FRMD4A: variants seen among roughly 807,000 people sequenced by gnomAD.
FRMD4A encodes FERM domain-containing protein 4A.
In FRMD4A, 29 loss-of-function variants were observed where a neutral mutation model predicts 129.1. That is an observed-to-expected ratio of 0.22 (90% CI 0.17 to 0.31). The LOEUF is 0.31. Ranked by LOEUF, FRMD4A falls within the 10% of genes least tolerant of loss-of-function variation. The pLI, the probability that FRMD4A is intolerant of heterozygous loss-of-function variation, is 1.00. For synonymous variants in FRMD4A, 634 were observed against 571.6 expected (o/e 1.11, Z -1.56); for missense variants, 1,272 against 1,375.8 (o/e 0.92, Z 1.19).
chr10:13,951,150 A>G (rs189346758), intron 2 of FRMD4A, among the ~76,000 whole-genome samples: 64 of 152,278 alleles, frequency 4.2e-4, no homozygotes, highest in Middle Eastern at 3.4e-3. Flanking sequence ...AGAAACATTG[A>G]GGCAGATGGG....
intron 2 of FRMD4A, among the ~76,000 whole-genome samples, chr10:14,059,171 G>A (rs990279420): frequency 6.6e-6 from 1 of 152,176 alleles, no homozygotes; most frequent in African/African-American, 2.4e-5. Flanking sequence ...TCATTGTGAA[G>A]TCTAATATTT....
At chr10:14,032,202 TTC>T (rs1230896619) in intron 2 of FRMD4A, among the ~76,000 whole-genome samples, 1 of 152,198 alleles carries the variant, frequency 6.6e-6, no homozygotes, top group Non-Finnish European at 1.5e-5. Context: ...ATTAGCACAA[TTC>T]TCTGTTATGT....
intron 2 of FRMD4A, among the ~76,000 whole-genome samples, chr10:14,233,417 CA>C (rs11305310): frequency 0.95 from 144,745 of 152,114 alleles, 69,024 homozygotes; most frequent in East Asian, 1. Flanking sequence ...TAAAAATATA[CA>C]AAAAAATTAG....
At chr10:13,944,592 A>C (rs1465238885) in intron 2 of FRMD4A, among the ~76,000 whole-genome samples, 1 of 152,168 alleles carries the variant, frequency 6.6e-6, no homozygotes, top group Non-Finnish European at 1.5e-5. Context: ...GTGCCAAAAA[A>C]GTTGGGGACC....
intron 2 of FRMD4A, among the ~76,000 whole-genome samples, chr10:14,234,468 G>A (rs1350237445): frequency 6.6e-6 from 1 of 152,194 alleles, no homozygotes; most frequent in Non-Finnish European, 1.5e-5. Flanking sequence ...AATTAGGCAC[G>A]AGGGAATTCT....
chr10:13,654,080 T>A (rs948956870), intron 23 of FRMD4A: 6 of 457,420 alleles, frequency 1.3e-5, no homozygotes, highest in Non-Finnish European at 2.3e-5. Flanking sequence ...GCCTGGCATT[T>A]TGAGTCAGCC....
In FRMD4A at chr10:14,330,572, AAACATGCTGAATGTCAC is replaced by A. The variant is rs1047882720; in HGVS notation, c.-82+8_-82+24del. On this transcript the variant is annotated splice_region_variant and intron_variant, in intron 1 of 24. Coordinates refer to ENST00000357447, the MANE Select transcript of FRMD4A (RefSeq NM_018027.5). ...GCATCTCTCAGCAATTCTGCTGCAT[AAACATGCTGAATGTCAC>A]AACATACCGCTCGCAATCTGGTCAG... The A allele has an allele frequency of 4.9e-6, 2 of 405,550 alleles. No homozygotes were observed. The highest frequency in any genetic ancestry group is 4.1e-5 in the African/African-American group (2 of 48,886). 25.1% of individuals were successfully genotyped at this position (405,550 alleles called of 1,614,324 possible). A position where few individuals can be genotyped will look rare whatever the true frequency, so the allele number is the denominator to read the frequency against.
At chr10:14,323,095 C>T (rs1301087509) in intron 2 of FRMD4A, among the ~76,000 whole-genome samples, 4 of 152,186 alleles carry the variant, frequency 2.6e-5, no homozygotes, top group Non-Finnish European at 4.4e-5. Context: ...GCCACAGGAA[C>T]ATCTGTTTTT....
At chr10:13,965,241 G>A (rs915521327) in intron 2 of FRMD4A, among the ~76,000 whole-genome samples, 9 of 151,986 alleles carry the variant, frequency 5.9e-5, no homozygotes, top group South Asian at 2.1e-4. Flanking sequence ...ATGCCGACTC[G>A]CCCACCTTGT....
chr10:13,804,425 AACGCGAGG>A (rs1270100264), intron 4 of FRMD4A, among the ~76,000 whole-genome samples: 2 of 152,216 alleles, frequency 1.3e-5, no homozygotes, highest in Admixed American at 6.5e-5. Context: ...AGTTGAAACA[AACGCGAGG>A]ACCTGAGGAC....
At chr10:13,815,053 C>A (rs1042063484) in intron 3 of FRMD4A, among the ~76,000 whole-genome samples, 1 of 152,144 alleles carries the variant, frequency 6.6e-6, no homozygotes, top group African/African-American at 2.4e-5. Flanking sequence ...TCCCAAGGAA[C>A]ACCTACATCC....
Position 14,122,117 on chromosome 10 carries a change from C to T in FRMD4A, c.45+207941G>A, listed in dbSNP as rs542232076. ...CGCTGTCTCTGAGCAAATTACCTAA[C>T]CTCTCTAAGCTGCATTGTCTCCATT... is the stretch of plus-strand genomic sequence containing the variant. On this transcript the variant is annotated intron_variant, in intron 2 of 24. Transcript: ENST00000357447. 3.3e-5 allele frequency among the ~76,000 whole-genome samples: 5 copies of T among 152,324 alleles called. No homozygotes were observed. In the South Asian group the frequency reaches 1.0e-3, roughly 32 times the overall value.
At chr10:13,785,346 G>A (rs1174804843) in intron 5 of FRMD4A, among the ~76,000 whole-genome samples, 1 of 152,146 alleles carries the variant, frequency 6.6e-6, no homozygotes, top group Non-Finnish European at 1.5e-5. Flanking sequence ...TACTTGTAAA[G>A]CCTGAAAATT....
Position 14,291,896 on chromosome 10 carries a change from A to T in FRMD4A, c.45+38162T>A, listed in dbSNP as rs1845860240. On this transcript the variant is annotated intron_variant, in intron 2 of 24. Transcript: ENST00000357447. Reference sequence around the variant, plus strand: ...AATTATTAATAGGTGAGCTTAAAAGATTAAATAATTTGTTAAATTTAGTCA... The same window carrying T: ...AATTATTAATAGGTGAGCTTAAAAGTTTAAATAATTTGTTAAATTTAGTCA... Among the ~76,000 whole-genome samples, 3 of 152,026 alleles carry T rather than the reference A, an allele frequency of 2.0e-5. No individual in the cohort carries two copies. The South Asian group carries it at 6.2e-4, about 31-fold the overall frequency.
intron 2 of FRMD4A, among the ~76,000 whole-genome samples, chr10:13,984,825 A>C (rs1240060523): frequency 2.6e-5 from 4 of 152,158 alleles, no homozygotes; most frequent in Non-Finnish European, 5.9e-5. Flanking sequence ...TGCTGTGACT[A>C]AGAGTGTGTA....
At chr10:13,841,362 C>G (rs1291084445) in intron 3 of FRMD4A, among the ~76,000 whole-genome samples, 2 of 152,104 alleles carry the variant, frequency 1.3e-5, no homozygotes, top group Admixed American at 6.6e-5. Context: ...ATTCACGAAC[C>G]CTTTGGATCA....
chr10:14,155,146 G>A (rs182991104), intron 2 of FRMD4A, among the ~76,000 whole-genome samples: 2 of 152,276 alleles, frequency 1.3e-5, no homozygotes, highest in Admixed American at 6.5e-5. Context: ...TTTAAAAAAC[G>A]TAGTCAGGTG....
intron 14 of FRMD4A, among the ~76,000 whole-genome samples, chr10:13,697,683 T>A (rs2086362837): frequency 6.6e-6 from 1 of 152,042 alleles, no homozygotes; most frequent in Admixed American, 6.6e-5. Context: ...CCTGTCCCCC[T>A]TTGACTCTGC....
intron 2 of FRMD4A, among the ~76,000 whole-genome samples, chr10:13,933,033 C>T (rs541874575): frequency 1.3e-5 from 2 of 152,108 alleles, no homozygotes; most frequent in African/African-American, 4.8e-5. Flanking sequence ...TGGTGGCAGT[C>T]ATCTGTAATC....
Sources: allele counts gnomAD v4.1 joint callset (sites outside exome capture counted in the v4.1 genomes callset), GRCh38; gene constraint gnomAD v4.1.1; transcripts MANE v1.5; gene names NCBI Gene and HGNC (gene_info 2026-07-23, HGNC 2026-07-21).